The following B3GALT1 variants were observed in gnomAD, a reference collection of about 807,000 sequenced individuals.
B3GALT1 encodes beta-1,3-galactosyltransferase 1.
Under a neutral mutation model 23.2 loss-of-function variants are expected in B3GALT1, and 10 were observed. That is an observed-to-expected ratio of 0.43 (90% CI 0.27 to 0.73). The LOEUF is 0.73. Among genes scored for constraint, B3GALT1 ranks in the 30% least tolerant of loss-of-function variants. The probability of loss-of-function intolerance (pLI) is 0.21; values close to 1 mark genes in which losing one functional copy is unlikely to be tolerated. For synonymous variants in B3GALT1, 156 were observed against 141.5 expected (o/e 1.10, Z -0.73); for missense variants, 299 against 405.4 (o/e 0.74, Z 2.25).
chr2:167,819,495 T>C (rs921848735), intron 4 of B3GALT1, among the ~76,000 whole-genome samples: 1 of 152,354 alleles, frequency 6.6e-6, no homozygotes, highest in Middle Eastern at 3.4e-3. Flanking sequence ...TAAAAATGAT[T>C]GCAGCCTATC....
At chr2:167,841,346 T>G (rs1340326451) in intron 4 of B3GALT1, among the ~76,000 whole-genome samples, 3 of 152,276 alleles carry the variant, frequency 2.0e-5, no homozygotes, top group African/African-American at 7.2e-5. Flanking sequence ...AGGTGGACTT[T>G]CTGGTTCCTC....
intron 1 of B3GALT1, among the ~76,000 whole-genome samples, chr2:167,404,765 A>G (rs1187221506): frequency 6.6e-6 from 1 of 152,166 alleles, no homozygotes; most frequent in Non-Finnish European, 1.5e-5. Context: ...CTGTGCTTAA[A>G]TAAAGCACAT....
chr2:167,445,915 G>T (rs997951483), intron 1 of B3GALT1, among the ~76,000 whole-genome samples: 3 of 152,106 alleles, frequency 2.0e-5, no homozygotes, highest in African/African-American at 7.2e-5. Flanking sequence ...TATGATGTTA[G>T]CTGGTTATTT....
intron 1 of B3GALT1, among the ~76,000 whole-genome samples, chr2:167,458,990 A>G (rs978525455): frequency 2.0e-5 from 3 of 152,012 alleles, no homozygotes; most frequent in African/African-American, 4.8e-5. Flanking sequence ...TTCACTTTCA[A>G]TCTATTTGTG....
chr2:167,456,792 T>G (rs533992319), intron 1 of B3GALT1, among the ~76,000 whole-genome samples: 108 of 152,264 alleles, frequency 7.1e-4, no homozygotes, highest in African/African-American at 2.6e-3. Context: ...TTCTGTGCCC[T>G]CTCCAGGCCC....
intron 1 of B3GALT1, among the ~76,000 whole-genome samples, chr2:167,353,018 G>A (rs1697341863): frequency 6.6e-6 from 1 of 152,196 alleles, no homozygotes; most frequent in African/African-American, 2.4e-5. Flanking sequence ...GTGGGGAAAA[G>A]TTAAGAGTGA....
intron 2 of B3GALT1, among the ~76,000 whole-genome samples, chr2:167,641,934 T>C (rs1367323408): frequency 6.6e-6 from 1 of 152,204 alleles, no homozygotes; most frequent in Admixed American, 6.5e-5. Context: ...TCAACATATC[T>C]ATCAGGCATC....
chr2:167,437,954 C>T lies in B3GALT1; in HGVS notation c.-510-52223C>T, dbSNP rs531832372. Among the ~76,000 whole-genome samples, 3 of 152,300 alleles carry T rather than the reference C, an allele frequency of 2.0e-5. No individual in the cohort carries two copies. In the East Asian group the frequency reaches 5.8e-4, roughly 29 times the overall value. On this transcript the variant is annotated intron_variant, in intron 1 of 4. Transcript: ENST00000392690. ...AGACCCATTGACCCCAATGCCAATT[C>T]ATTGTGTAACAAAATATTAAAATGG... is the stretch of plus-strand genomic sequence containing the variant.
chr2:167,583,426 C>G (rs1684523876), intron 2 of B3GALT1, among the ~76,000 whole-genome samples: 1 of 152,112 alleles, frequency 6.6e-6, no homozygotes, highest in Non-Finnish European at 1.5e-5. Flanking sequence ...TTCTCCCTCT[C>G]TCCCTTTTTT....
rs1441914105 is a variant in B3GALT1, at chr2:167,340,929, G to C, written c.-511+47595G>C. On this transcript the variant is annotated intron_variant, in intron 1 of 4. Coordinates refer to ENST00000392690, the MANE Select transcript of B3GALT1 (RefSeq NM_020981.4). ...AAAATAGCTATAATATTATGTTCAA[G>C]ATTACAAAGGAAATAGGGGAAAAAG... is the stretch of plus-strand genomic sequence containing the variant. Among the ~76,000 whole-genome samples the C allele has an allele frequency of 5.3e-5, 8 of 152,210 alleles. No individual in the cohort carries two copies. In the East Asian group the frequency reaches 1.5e-3, roughly 29 times the overall value.
intron 2 of B3GALT1, among the ~76,000 whole-genome samples, chr2:167,606,209 G>A (rs977037683): frequency 1.3e-5 from 2 of 152,126 alleles, no homozygotes; most frequent in South Asian, 4.1e-4. Flanking sequence ...GGAGATTAGG[G>A]CAAATCATAT....
chr2:167,440,073 G>C lies in B3GALT1; in HGVS notation c.-510-50104G>C, dbSNP rs1698854801. On this transcript the variant is annotated intron_variant, in intron 1 of 4. Coordinates refer to ENST00000392690, the MANE Select transcript of B3GALT1 (RefSeq NM_020981.4). ...AAGAAATAATTTAAGGCTGGGGGCA[G>C]TGGCTCACACCTGTAATCCCAGCAC... Among the ~76,000 whole-genome samples, 3 of 152,016 alleles carry C rather than the reference G, an allele frequency of 2.0e-5. No homozygotes were observed. The South Asian group carries it at 6.2e-4, about 32-fold the overall frequency.
At chr2:167,840,933 C>T (rs1361443549) in intron 4 of B3GALT1, among the ~76,000 whole-genome samples, 3 of 147,512 alleles carry the variant, frequency 2.0e-5, no homozygotes, top group African/African-American at 7.7e-5. Flanking sequence ...GAACAAAAAA[C>T]CAAACACCGC....
chr2:167,675,985 G>A (rs1415328318), intron 3 of B3GALT1, among the ~76,000 whole-genome samples: 2 of 151,636 alleles, frequency 1.3e-5, no homozygotes, highest in African/African-American at 4.9e-5. Context: ...TCCCAGAAAT[G>A]GTACCGAGGA....
chr2:167,428,579 G>T (rs1698657912), intron 1 of B3GALT1, among the ~76,000 whole-genome samples: 1 of 152,110 alleles, frequency 6.6e-6, no homozygotes, highest in African/African-American at 2.4e-5. Flanking sequence ...TTGGGAGGCT[G>T]AGGCAAGAGA....
At position 167,808,494 on chromosome 2, in the gene B3GALT1, C is replaced by G. The variant is rs527807055; in HGVS notation, c.-351-10178C>G. Among the ~76,000 whole-genome samples, 3 of 151,904 alleles carry G rather than the reference C, an allele frequency of 2.0e-5. No individual in the cohort carries two copies. The South Asian group carries it at 6.3e-4, about 32-fold the overall frequency. On this transcript the variant is annotated intron_variant, in intron 3 of 4. Transcript: ENST00000392690. ...GGCAGGCCTGGTGGTGACAAAATCT[C>G]TCAGCATTTGCTTGTCTGTAAAGTA...
At chr2:167,577,824 C>A (rs927187568) in intron 2 of B3GALT1, among the ~76,000 whole-genome samples, 7 of 146,788 alleles carry the variant, frequency 4.8e-5, no homozygotes, top group Non-Finnish European at 8.9e-5. Context: ...TTCTGAATTA[C>A]TAAAATTAAC....
intron 2 of B3GALT1, among the ~76,000 whole-genome samples, chr2:167,583,665 T>C (rs891564977): frequency 4.8e-5 from 7 of 147,202 alleles, no homozygotes; most frequent in Non-Finnish European, 6.0e-5. Context: ...AAAAATTGCA[T>C]TTGATATTGA....
intron 2 of B3GALT1, among the ~76,000 whole-genome samples, chr2:167,566,891 C>G (rs1236090146): frequency 1.3e-5 from 2 of 152,174 alleles, no homozygotes; most frequent in South Asian, 2.1e-4. Flanking sequence ...TGTTCTTCAA[C>G]AGCAATTTTT....
Sources: allele counts gnomAD v4.1 joint callset (sites outside exome capture counted in the v4.1 genomes callset), GRCh38; gene constraint gnomAD v4.1.1; transcripts MANE v1.5; gene names NCBI Gene and HGNC (gene_info 2026-07-23, HGNC 2026-07-21).